SLA: variants seen among roughly 807,000 people sequenced by gnomAD.
SLA encodes the protein src-like-adapter.
In SLA, 16 loss-of-function variants were observed where a neutral mutation model predicts 30.3. The ratio of observed to expected loss-of-function variants is 0.53; its 90% CI spans 0.36 to 0.80. The LOEUF (loss-of-function observed/expected upper bound fraction) is 0.80, where lower values mean the gene tolerates loss of function less well. Ranked by LOEUF, SLA falls within the 30% of genes least tolerant of loss-of-function variation. The pLI is 0.01. For missense variants in SLA, 310 were observed against 345.2 expected (o/e 0.90, Z 0.81); for synonymous variants, 143 against 137.8 (o/e 1.04, Z -0.26).
In SLA at chr8:133,057,915, T is replaced by C. The variant is rs184525047; in HGVS notation, c.61+2185A>G. Among the ~76,000 whole-genome samples the C allele has an allele frequency of 8.5e-4, 129 of 152,312 alleles. 1 individual carries two copies. The Middle Eastern group carries it at 0.01, about 12-fold the overall frequency. ...GTCCAGGCTGGCCTCTGGGTGATCCTTGTGCACGGCCAGGGTCTGTGGAGG... is the reference window on the plus strand; with the variant it reads ...GTCCAGGCTGGCCTCTGGGTGATCCCTGTGCACGGCCAGGGTCTGTGGAGG... On this transcript the variant is annotated intron_variant, in intron 3 of 8. Transcript: ENST00000338087.
chr8:133,100,403 C>A (rs934095803), intron 1 of SLA, among the ~76,000 whole-genome samples: 9 of 152,218 alleles, frequency 5.9e-5, no homozygotes, highest in Non-Finnish European at 2.9e-5. Context: ...ATGTTTGAAA[C>A]TGCTATATCT....
intron 2 of SLA, among the ~76,000 whole-genome samples, chr8:133,066,954 G>T (rs530782060): frequency 6.6e-6 from 1 of 152,266 alleles, no homozygotes; most frequent in East Asian, 1.9e-4. Context: ...AAATCTGATG[G>T]GGAAAGGGTT....
Position 133,057,777 on chromosome 8 carries a change from A to AC in SLA, c.61+2322_61+2323insG, listed in dbSNP as rs1841718119. Among the ~76,000 whole-genome samples the AC allele has an allele frequency of 2.6e-5, 4 of 151,080 alleles. No homozygotes were observed. The South Asian group carries it at 8.4e-4, about 32-fold the overall frequency. On this transcript the variant is annotated intron_variant, in intron 3 of 8. Transcript: ENST00000338087. Reference sequence around the variant, plus strand: ...CTTAGTTTAGCAAAACAAAAAACAAAAAAAAAAAAACAAAAAAACAGATGG... The same window carrying AC: ...CTTAGTTTAGCAAAACAAAAAACAAACAAAAAAAAAACAAAAAAACAGATGG...
chr8:133,089,285 G>A (rs1847119818), intron 1 of SLA, among the ~76,000 whole-genome samples: 1 of 152,148 alleles, frequency 6.6e-6, no homozygotes, highest in Non-Finnish European at 1.5e-5. Flanking sequence ...GCTGGGCTTT[G>A]GGGATAGAGG....
intron 1 of SLA, chr8:133,095,277 G>A: frequency 6.2e-7 from 1 of 1,608,714 alleles, no homozygotes. Flanking sequence ...TGAAGACCTA[G>A]GAAGGAGGTG....
At chr8:133,095,185 G>T in intron 1 of SLA, 1 of 1,614,200 alleles carries the variant, frequency 6.2e-7, no homozygotes, top group Non-Finnish European at 8.5e-7. Flanking sequence ...GCCTGCCAAT[G>T]TCCTCAATGA....
chr8:133,056,369 C>T (rs558668043), intron 3 of SLA, among the ~76,000 whole-genome samples: 7 of 152,330 alleles, frequency 4.6e-5, no homozygotes, highest in South Asian at 2.1e-4. Flanking sequence ...AGATTTGACA[C>T]GGATTCACTG....
intron 2 of SLA, among the ~76,000 whole-genome samples, chr8:133,070,140 G>A (rs1314732598): frequency 6.6e-6 from 1 of 152,110 alleles, no homozygotes; most frequent in Non-Finnish European, 1.5e-5. Context: ...AATGTTTCAG[G>A]GGGAAAAATT....
chr8:133,101,682 A>C (rs1246615231), intron 1 of SLA, among the ~76,000 whole-genome samples: 1 of 152,234 alleles, frequency 6.6e-6, no homozygotes, highest in Non-Finnish European at 1.5e-5. Flanking sequence ...CATAAAATAC[A>C]AATTGAATTC....
chr8:133,049,966 T>G lies in SLA; in HGVS notation c.184A>C (p.Ile62Leu), dbSNP rs1365306054. 2 of 1,613,400 alleles carry G rather than the reference T, an allele frequency of 1.2e-6. No homozygotes were observed. Among genetic ancestry groups the G allele is most frequent in the East Asian group, 2.2e-5 (1 of 44,882 alleles). The change falls in exon 5 of 9, where the codon ATT becomes CTT. Residue 62 changes from isoleucine (I) to leucine (L), a missense_variant. Physicochemically the swap from Ile to Leu is conservative, Grantham distance 5. Transcript: ENST00000338087. ...CTCTCTCGACCAGTGCTAAGAGAAA[T>G]AGCTTTCCACCAGCCCCCTTCACTG... ...ISDEGGWWKA[I>L]SLSTGRESYI...
chr8:133,062,458 C>T (rs540193946), intron 2 of SLA, among the ~76,000 whole-genome samples: 11 of 152,386 alleles, frequency 7.2e-5, no homozygotes, highest in African/African-American at 2.6e-4. Context: ...TCAGCAGACA[C>T]TTCCTGGGCA....
At chr8:133,051,003 G>C in intron 3 of SLA, 88 bp from the exon 4 acceptor site, 2 of 740,704 alleles carry the variant, frequency 2.7e-6, no homozygotes, top group Non-Finnish European at 4.8e-6. Context: ...AGGGTATGAA[G>C]ATGAGATTTT....
In SLA at chr8:133,037,987, C is replaced by G. The variant is rs375022625; in HGVS notation, c.*537G>C. 1 of 155,240 alleles carries G rather than the reference C, an allele frequency of 6.4e-6. No individual in the cohort carries two copies. The highest frequency in any genetic ancestry group is 1.4e-5 in the Non-Finnish European group (1 of 70,096). The allele number at this position is 155,240 out of a possible 1,614,324, so 9.6% of individuals were successfully genotyped here. A position where few individuals can be genotyped will look rare whatever the true frequency, so the allele number is the denominator to read the frequency against. On this transcript the variant is annotated 3_prime_UTR_variant, in exon 9 of 9. Coordinates refer to ENST00000338087, the MANE Select transcript of SLA (RefSeq NM_001045556.3). ...TCCTTTGGGCTAATGTTTAGTGTCA[C>G]GAAGTTCCTTTAAAAAGAGAGGAAA...
intron 6 of SLA, 118 bp from the exon 7 acceptor site, chr8:133,045,233 G>A: frequency 1.0e-6 from 1 of 975,456 alleles, no homozygotes; most frequent in Non-Finnish European, 1.6e-6. Flanking sequence ...ATACAACAGT[G>A]ATGCTAGGAT....
intron 3 of SLA, among the ~76,000 whole-genome samples, chr8:133,057,332 C>A (rs1841629018): frequency 6.6e-6 from 1 of 152,154 alleles, no homozygotes; most frequent in Non-Finnish European, 1.5e-5. Context: ...TCCTGTACTG[C>A]CCATGTCTGG....
intron 3 of SLA, among the ~76,000 whole-genome samples, chr8:133,051,427 G>A (rs1277205820): frequency 6.6e-6 from 1 of 152,202 alleles, no homozygotes; most frequent in Non-Finnish European, 1.5e-5. Context: ...TGGGGAAGGA[G>A]TGTGAGGCAA....
intron 2 of SLA, among the ~76,000 whole-genome samples, chr8:133,061,827 A>T (rs947387674): frequency 1.3e-5 from 2 of 152,196 alleles, no homozygotes; most frequent in African/African-American, 4.8e-5. Flanking sequence ...CTCTCAGAGC[A>T]AGGCCCTCCC....
At chr8:133,069,014 G>C (rs1843539301) in intron 2 of SLA, among the ~76,000 whole-genome samples, 1 of 152,228 alleles carries the variant, frequency 6.6e-6, no homozygotes, top group Admixed American at 6.5e-5. Flanking sequence ...GAGTGGTAAA[G>C]ACAATTATTT....
intron 1 of SLA, among the ~76,000 whole-genome samples, chr8:133,086,844 G>A (rs1326214525): frequency 6.6e-6 from 1 of 152,128 alleles, no homozygotes; most frequent in Admixed American, 6.6e-5. Flanking sequence ...AATCAGAGCT[G>A]GGATTTGTAT....
Sources: gnomAD v4.1 joint callset for allele counts (sites outside exome capture counted in the v4.1 genomes callset) on GRCh38, gnomAD v4.1.1 for gene constraint, MANE v1.5 for transcripts, NCBI Gene and HGNC (gene_info 2026-07-23, HGNC 2026-07-21) for gene names.